The following AUTS2 variants were observed in gnomAD, a reference collection of about 807,000 sequenced individuals.
AUTS2 encodes autism susceptibility gene 2 protein.
AUTS2 carries 17 observed loss-of-function variants against 112.4 expected under a neutral mutation model. The observed-to-expected ratio is 0.15, with a 90% CI of 0.10 to 0.23. The LOEUF is 0.23. Ranked by LOEUF, AUTS2 falls within the 10% of genes least tolerant of loss-of-function variation. The pLI is 1.00. For missense variants in AUTS2, 1,510 were observed against 1,701.6 expected, an observed-to-expected ratio of 0.89 and a Z score of 1.98; for synonymous variants, 751 against 702.7, an observed-to-expected ratio of 1.07 and a Z score of -1.09.
At chr7:69,740,173 C>T (rs1288958685) in intron 1 of AUTS2, among the ~76,000 whole-genome samples, 1 of 152,202 alleles carries the variant, frequency 6.6e-6, no homozygotes, top group Non-Finnish European at 1.5e-5. Flanking sequence ...GGAATTGTGC[C>T]AGACACCAGC....
intron 2 of AUTS2, among the ~76,000 whole-genome samples, chr7:70,098,982 G>A (rs547795034): frequency 6.6e-6 from 1 of 152,102 alleles, no homozygotes; most frequent in African/African-American, 2.4e-5. Context: ...GATTATAGGC[G>A]TGAGCCACTG....
intron 4 of AUTS2, among the ~76,000 whole-genome samples, chr7:70,157,429 G>T (rs1282428354): frequency 6.6e-6 from 1 of 151,990 alleles, no homozygotes; most frequent in Non-Finnish European, 1.5e-5. Context: ...ACAGGCACAT[G>T]CCACCATGCC....
At chr7:70,510,136 C>A (rs1799122483) in intron 5 of AUTS2, among the ~76,000 whole-genome samples, 1 of 152,156 alleles carries the variant, frequency 6.6e-6, no homozygotes, top group Non-Finnish European at 1.5e-5. Context: ...GTGGCCATTT[C>A]TCCTGGGGCC....
intron 5 of AUTS2, among the ~76,000 whole-genome samples, chr7:70,508,911 G>A (rs1237853626): frequency 6.6e-6 from 1 of 152,170 alleles, no homozygotes; most frequent in African/African-American, 2.4e-5. Flanking sequence ...GTCTTATTCA[G>A]AACTGAAGCC....
At chr7:70,651,299 C>T (rs1806494243) in intron 5 of AUTS2, among the ~76,000 whole-genome samples, 1 of 152,174 alleles carries the variant, frequency 6.6e-6, no homozygotes, top group African/African-American at 2.4e-5. Flanking sequence ...TAGCCTGCCC[C>T]CTCTCTGGTG....
intron 2 of AUTS2, among the ~76,000 whole-genome samples, chr7:69,982,015 G>A (rs889337680): frequency 5.3e-5 from 8 of 152,152 alleles, no homozygotes; most frequent in African/African-American, 1.9e-4. Flanking sequence ...TTATATCAGT[G>A]TGAGTTTCTT....
chr7:70,624,080 A>G (rs891982143), intron 5 of AUTS2, among the ~76,000 whole-genome samples: 1 of 152,256 alleles, frequency 6.6e-6, no homozygotes, highest in African/African-American at 2.4e-5. Flanking sequence ...TATCTTTGAT[A>G]GATCATACTT....
At chr7:70,512,978 A>G (rs941715225) in intron 5 of AUTS2, among the ~76,000 whole-genome samples, 1 of 152,178 alleles carries the variant, frequency 6.6e-6, no homozygotes, top group East Asian at 1.9e-4. Flanking sequence ...AGAGCTCGCA[A>G]TTTAGCTTTT....
At chr7:70,728,553 T>C (rs1210439459) in intron 6 of AUTS2, among the ~76,000 whole-genome samples, 1 of 151,842 alleles carries the variant, frequency 6.6e-6, no homozygotes, top group African/African-American at 2.4e-5. Context: ...TACTAAAATA[T>C]AAAAATCAGC....
At chr7:70,511,497 A>T (rs2116781706) in intron 5 of AUTS2, among the ~76,000 whole-genome samples, 1 of 144,064 alleles carries the variant, frequency 6.9e-6, no homozygotes, top group East Asian at 2.0e-4. Context: ...CAACTTCTAT[A>T]TGCCCTTTGT....
At position 70,790,007 on chromosome 7, in the gene AUTS2, G is replaced by A. The variant is rs749784668; in HGVS notation, c.2791G>A (p.Glu931Lys). Residue 931 changes from glutamate (E) to lysine (K), a missense_variant, in exon 19 of 19, where the codon GAA becomes AAA. Around this residue, in one of 3 missense-constraint regions of AUTS2, gnomAD observed 788 missense variants for 797.6 expected, o/e 0.99. Transcript: ENST00000342771. The surrounding 1 kb of genome is among the most constrained non-coding windows in gnomAD (Gnocchi z 7.6). ...CGGCCACGAGGGGCGCGCCGCGGGC[G>A]AAGAGGCCAAGCAGCTGGCCCGGGT... The part of the protein sequence containing the change: ...GHGHEGRAAG[E>K]EAKQLARVPS... 32 of 1,597,108 alleles carry A rather than the reference G, an allele frequency of 2.0e-5. No homozygotes were observed. The highest frequency in any genetic ancestry group is 6.7e-5 in the African/African-American group (5 of 74,700).
intron 1 of AUTS2, among the ~76,000 whole-genome samples, chr7:69,818,371 G>A (rs953768758): frequency 6.6e-6 from 1 of 152,126 alleles, no homozygotes; most frequent in African/African-American, 2.4e-5. Context: ...AATAAATAGA[G>A]AGCTGGTGAG....
At chr7:69,608,991 A>G (rs1020024762) in intron 1 of AUTS2, among the ~76,000 whole-genome samples, 4 of 152,196 alleles carry the variant, frequency 2.6e-5, no homozygotes, top group African/African-American at 9.7e-5. Flanking sequence ...CTTTTGATCC[A>G]TTTTATTCCA....
intron 2 of AUTS2, among the ~76,000 whole-genome samples, chr7:69,979,427 A>G (rs1401423306): frequency 6.6e-6 from 1 of 152,232 alleles, no homozygotes; most frequent in East Asian, 1.9e-4. Flanking sequence ...ACCCTTAAGG[A>G]TGAGCAACAA....
intron 1 of AUTS2, among the ~76,000 whole-genome samples, chr7:69,801,127 A>G (rs928496437): frequency 1.9e-4 from 29 of 151,802 alleles, no homozygotes; most frequent in African/African-American, 6.5e-4. Context: ...ATTGCTAGGC[A>G]TAAGGTATGG....
chr7:70,016,801 G>T (rs1254988790), intron 2 of AUTS2, among the ~76,000 whole-genome samples: 12 of 151,898 alleles, frequency 7.9e-5, no homozygotes, highest in Admixed American at 6.6e-4. Context: ...CCTAGTAGCT[G>T]GGATTACAGG....
chr7:70,724,476 C>T (rs9638592), intron 6 of AUTS2, among the ~76,000 whole-genome samples: 63,492 of 122,850 alleles, frequency 0.52, 14,616 homozygotes, highest in Middle Eastern at 0.68. Context: ...GACAGAGTCT[C>T]GCTTTGTCGC....
At chr7:70,511,366 TG>T (rs1402367699) in intron 5 of AUTS2, among the ~76,000 whole-genome samples, 1 of 151,430 alleles carries the variant, frequency 6.6e-6, no homozygotes, top group Non-Finnish European at 1.5e-5. Context: ...TGAGAGAAAC[TG>T]TTACTTGGAT....
Position 70,311,113 on chromosome 7 carries a change from T to G in AUTS2, c.661-124639T>G, listed in dbSNP as rs529083717. The stretch of plus-strand genomic sequence containing the variant: ...ATAAGTGTGCTTCAATCTACCAGCT[T>G]TCCTAAAACAGGTTGATGGCTTAGT... On this transcript the variant is annotated intron_variant, in intron 4 of 18. Transcript: ENST00000342771. Among the ~76,000 whole-genome samples the G allele has an allele frequency of 7.9e-5, 12 of 152,302 alleles. No homozygotes were observed. The East Asian group carries it at 2.1e-3, about 27-fold the overall frequency.
Sources: allele counts gnomAD v4.1 joint callset (sites outside exome capture counted in the v4.1 genomes callset), GRCh38; gene constraint gnomAD v4.1.1; regional missense constraint gnomAD v4.1.1; non-coding constraint Gnocchi (gnomAD v3.1); transcripts MANE v1.5; gene names NCBI Gene and HGNC (gene_info 2026-07-23, HGNC 2026-07-21).